The following PCMTD1 variants were observed in gnomAD, a reference collection of about 807,000 sequenced individuals.
PCMTD1 encodes the protein protein-L-isoaspartate (D-aspartate) O-methyltransferase domain containing 1.
In PCMTD1, 12 loss-of-function variants were observed where a neutral mutation model predicts 37.6. The observed-to-expected ratio is 0.32, with a 90% CI of 0.20 to 0.52. The LOEUF is 0.52. Ranked by LOEUF, PCMTD1 falls within the 20% of genes least tolerant of loss-of-function variation. PCMTD1 has a pLI of 0.97. For missense variants in PCMTD1, 235 were observed against 421.3 expected, an observed-to-expected ratio of 0.56 and a Z score of 3.87; for synonymous variants, 117 against 135.8, an observed-to-expected ratio of 0.86 and a Z score of 0.96.
intron 1 of PCMTD1, among the ~76,000 whole-genome samples, chr8:51,886,677 T>G (rs555688003): frequency 6.6e-6 from 1 of 152,348 alleles, no homozygotes; most frequent in African/African-American, 2.4e-5. Flanking sequence ...CTTAATCTTT[T>G]GTTGGGGAGA....
At chr8:51,856,286 A>T (rs1021465563) in intron 2 of PCMTD1, among the ~76,000 whole-genome samples, 1 of 152,218 alleles carries the variant, frequency 6.6e-6, no homozygotes, top group Non-Finnish European at 1.5e-5. Flanking sequence ...TTAGTCATTA[A>T]GGAAGAGCAA....
chr8:51,826,670 A>G (rs1409829759), intron 5 of PCMTD1, among the ~76,000 whole-genome samples: 1 of 152,178 alleles, frequency 6.6e-6, no homozygotes, highest in African/African-American at 2.4e-5. Flanking sequence ...CAAAGATTGA[A>G]AACGGCATTT....
At chr8:51,831,954 G>T (rs2038004058) in intron 4 of PCMTD1, among the ~76,000 whole-genome samples, 1 of 148,892 alleles carries the variant, frequency 6.7e-6, no homozygotes, top group Non-Finnish European at 1.5e-5. Flanking sequence ...TTGACTACAT[G>T]TTGACTTCAT....
intron 1 of PCMTD1, among the ~76,000 whole-genome samples, chr8:51,865,496 T>C (rs996920832): frequency 1.3e-4 from 20 of 152,092 alleles, no homozygotes; most frequent in African/African-American, 4.6e-4. Flanking sequence ...AGACTGATCC[T>C]TGGAATACAA....
chr8:51,882,929 C>T (rs2038812519), intron 1 of PCMTD1, among the ~76,000 whole-genome samples: 1 of 148,834 alleles, frequency 6.7e-6, no homozygotes. Context: ...AGATAGAGAC[C>T]ATGCTTGCTA....
intron 5 of PCMTD1, among the ~76,000 whole-genome samples, chr8:51,828,248 T>C (rs2037949495): frequency 6.6e-6 from 1 of 152,190 alleles, no homozygotes; most frequent in Non-Finnish European, 1.5e-5. Context: ...TTTTCATTAC[T>C]TCCTTTTATT....
At chr8:51,851,938 C>A (rs976727761) in intron 2 of PCMTD1, among the ~76,000 whole-genome samples, 2 of 152,206 alleles carry the variant, frequency 1.3e-5, no homozygotes, top group Non-Finnish European at 1.5e-5. Context: ...GCATGAGACA[C>A]CACCCCTAGC....
At chr8:51,869,499 A>G (rs1040912416) in intron 1 of PCMTD1, among the ~76,000 whole-genome samples, 5 of 152,126 alleles carry the variant, frequency 3.3e-5, no homozygotes, top group Admixed American at 6.6e-5. Context: ...GGTCAAATCT[A>G]TAATTCAATA....
intron 3 of PCMTD1, among the ~76,000 whole-genome samples, chr8:51,837,901 T>C (rs1489066105): frequency 6.6e-6 from 1 of 152,096 alleles, no homozygotes; most frequent in East Asian, 1.9e-4. Context: ...TGCCTCAGCC[T>C]CCCGAGTAGC....
At chr8:51,862,843 A>G (rs2038493226) in intron 1 of PCMTD1, among the ~76,000 whole-genome samples, 1 of 152,200 alleles carries the variant, frequency 6.6e-6, no homozygotes, top group Admixed American at 6.5e-5. Flanking sequence ...ACTTATAAAA[A>G]GTTGCCTGGC....
At chr8:51,896,262 C>G (rs894830061) in intron 1 of PCMTD1, 2 of 152,068 alleles carry the variant, frequency 1.3e-5, no homozygotes, top group Non-Finnish European at 2.9e-5. Flanking sequence ...TTTCTTCCAA[C>G]TATGTAGTTG....
rs11438175 is a variant in PCMTD1 at position 51,887,745 on chromosome 8, CTTT to C, written c.-96+11182_-96+11184del. Among the ~76,000 whole-genome samples, 35 of 136,278 alleles carry C rather than the reference CTTT, an allele frequency of 2.6e-4. 1 individual carries two copies. In the East Asian group the frequency reaches 7.0e-3, roughly 27 times the overall value. The allele number at this position is 136,278 out of a possible 152,430, so 89.4% of individuals were successfully genotyped here. A position where few individuals can be genotyped will look rare whatever the true frequency, so the allele number is the denominator to read the frequency against. ...TTTCACAAAAAAGTTTTCATAATTTCTTTTTTTTTTTTTTTGAGACAGAGTCTT... is the reference window on the plus strand; with the variant it reads ...TTTCACAAAAAAGTTTTCATAATTTCTTTTTTTTTTTTGAGACAGAGTCTT... On this transcript the variant is annotated intron_variant, in intron 1 of 5. Transcript: ENST00000522514.
intron 1 of PCMTD1, among the ~76,000 whole-genome samples, chr8:51,883,142 A>C: frequency 6.6e-6 from 1 of 152,314 alleles, no homozygotes; most frequent in Non-Finnish European, 1.5e-5. Flanking sequence ...GTCTCAAAAA[A>C]AAAGAACAGA....
At chr8:51,839,299 C>G (rs920339527) in intron 3 of PCMTD1, 1 of 211,248 alleles carries the variant, frequency 4.7e-6, no homozygotes, top group African/African-American at 2.4e-5. Flanking sequence ...TTCTCAGACT[C>G]TCTTAGGCAG....
intron 3 of PCMTD1, among the ~76,000 whole-genome samples, chr8:51,834,828 T>C (rs1025037748): frequency 6.6e-6 from 1 of 152,178 alleles, no homozygotes; most frequent in African/African-American, 2.4e-5. Flanking sequence ...TGCCCTGCCC[T>C]TCATTTCTTG....
intron 1 of PCMTD1, among the ~76,000 whole-genome samples, chr8:51,877,190 A>G (rs1459138416): frequency 1.3e-5 from 2 of 152,200 alleles, no homozygotes; most frequent in African/African-American, 2.4e-5. Context: ...CAGTTTTGCC[A>G]TGAGAGTACA....
chr8:51,884,611 C>T (rs549583719), intron 1 of PCMTD1, among the ~76,000 whole-genome samples: 8 of 152,322 alleles, frequency 5.3e-5, no homozygotes, highest in Admixed American at 1.3e-4. Flanking sequence ...GGAGAAAACA[C>T]TGCAAGGGGA....
intron 5 of PCMTD1, among the ~76,000 whole-genome samples, chr8:51,825,897 T>G (rs1022560686): frequency 6.6e-6 from 1 of 152,166 alleles, no homozygotes; most frequent in Non-Finnish European, 1.5e-5. Context: ...ACTTTTACAC[T>G]GTTGGTGGGA....
chr8:51,865,623 A>C (rs1041456754), intron 1 of PCMTD1, among the ~76,000 whole-genome samples: 1 of 152,230 alleles, frequency 6.6e-6, no homozygotes, highest in East Asian at 1.9e-4. Context: ...CAAAAATTCA[A>C]TATCCTTTCA....
Sources: gnomAD v4.1 joint callset for allele counts (sites outside exome capture counted in the v4.1 genomes callset) on GRCh38, gnomAD v4.1.1 for gene constraint, MANE v1.5 for transcripts, NCBI Gene and HGNC (gene_info 2026-07-23, HGNC 2026-07-21) for gene names.